The following FOXP2 variants were observed in gnomAD, a reference collection of about 807,000 sequenced individuals.
FOXP2 encodes the protein forkhead box P2.
FOXP2 carries 12 observed loss-of-function variants against 115.8 expected under a neutral mutation model. The ratio of observed to expected loss-of-function variants is 0.10; its 90% CI spans 0.07 to 0.17. FOXP2 has a LOEUF of 0.17. Among genes scored for constraint, FOXP2 ranks in the 10% least tolerant of loss-of-function variants. FOXP2 has a pLI of 1.00. For missense variants in FOXP2, 629 were observed against 843.5 expected, an observed-to-expected ratio of 0.75 and a Z score of 3.15; for synonymous variants, 328 against 297.7, an observed-to-expected ratio of 1.10 and a Z score of -1.05.
chr7:114,097,802 G>A (rs924424144), intron 1 of FOXP2, among the ~76,000 whole-genome samples: 6 of 152,144 alleles, frequency 3.9e-5, no homozygotes, highest in East Asian at 1.9e-4. Context: ...CAGATTGCTA[G>A]TTCTTACAGA....
chr7:114,471,931 G>T (rs1301877993), intron 2 of FOXP2, among the ~76,000 whole-genome samples: 6 of 149,670 alleles, frequency 4.0e-5, no homozygotes, highest in Non-Finnish European at 7.4e-5. Context: ...CTGCACTCCA[G>T]CCCGGGCAAC....
chr7:114,251,491 TCTC>T (rs1434636333), intron 1 of FOXP2, among the ~76,000 whole-genome samples: 1 of 152,146 alleles, frequency 6.6e-6, no homozygotes, highest in Non-Finnish European at 1.5e-5. Flanking sequence ...GGTTTGTAGT[TCTC>T]CTCGAAGAAA....
intron 1 of FOXP2, among the ~76,000 whole-genome samples, chr7:114,253,526 G>C (rs906326475): frequency 6.6e-6 from 1 of 152,160 alleles, no homozygotes; most frequent in African/African-American, 2.4e-5. Flanking sequence ...TTGTTGAATT[G>C]ATCCCTTTAC....
At chr7:114,271,746 G>A (rs1228020860) in intron 1 of FOXP2, among the ~76,000 whole-genome samples, 1 of 110,910 alleles carries the variant, frequency 9.0e-6, no homozygotes, top group Non-Finnish European at 1.7e-5. Flanking sequence ...AAATACATAT[G>A]CATTAAATAT....
At chr7:114,102,072 A>C (rs1790984538) in intron 1 of FOXP2, among the ~76,000 whole-genome samples, 1 of 151,668 alleles carries the variant, frequency 6.6e-6, no homozygotes, top group African/African-American at 2.4e-5. Flanking sequence ...AGTGTCCTTA[A>C]ATTTTTTGTT....
chr7:114,401,297 A>G (rs1792881667), intron 2 of FOXP2, among the ~76,000 whole-genome samples: 1 of 152,338 alleles, frequency 6.6e-6, no homozygotes, highest in African/African-American at 2.4e-5. Context: ...ATAATTACCC[A>G]AGAACACCAT....
At chr7:114,344,580 A>G (rs1791294838) in intron 2 of FOXP2, among the ~76,000 whole-genome samples, 1 of 151,846 alleles carries the variant, frequency 6.6e-6, no homozygotes, top group Non-Finnish European at 1.5e-5. Context: ...TAAAGATTTT[A>G]TGGATAACAG....
chr7:114,175,815 G>A (rs1436285650), intron 1 of FOXP2, among the ~76,000 whole-genome samples: 1 of 152,110 alleles, frequency 6.6e-6, no homozygotes, highest in Non-Finnish European at 1.5e-5. Context: ...ATCCAAAGTG[G>A]TAGCTTTCTG....
At chr7:114,264,105 TCA>T (rs1795833459) in intron 1 of FOXP2, among the ~76,000 whole-genome samples, 1 of 151,978 alleles carries the variant, frequency 6.6e-6, no homozygotes, top group Non-Finnish European at 1.5e-5. Context: ...GGCTGTGAGG[TCA>T]AAACTCTTTA....
chr7:114,444,878 A>C (rs1296401896), intron 2 of FOXP2, among the ~76,000 whole-genome samples: 4 of 151,656 alleles, frequency 2.6e-5, no homozygotes, highest in Non-Finnish European at 5.9e-5. Flanking sequence ...ATGTCTGGGT[A>C]ACCAAGCTAG....
At position 114,514,634 on chromosome 7, in the gene FOXP2, G is replaced by C. The variant is rs76791939; in HGVS notation, c.169-19983G>C. ...AGTTTGATTCCATATCTTAGCTATTGTAAATAATGCTGCAATAGGAGCTCA... is the reference window on the plus strand; with the variant it reads ...AGTTTGATTCCATATCTTAGCTATTCTAAATAATGCTGCAATAGGAGCTCA... On this transcript the variant is annotated intron_variant, in intron 2 of 16. Transcript: ENST00000350908. 7.0e-3 allele frequency among the ~76,000 whole-genome samples: 1,067 copies of C among 151,366 alleles called. 11 individuals are homozygous for C. Among genetic ancestry groups the C allele is most frequent in the African/African-American group, 0.025 (1,015 of 41,312 alleles).
chr7:114,156,100 C>G (rs946244017), intron 1 of FOXP2, among the ~76,000 whole-genome samples: 1 of 152,092 alleles, frequency 6.6e-6, no homozygotes, highest in African/African-American at 2.4e-5. Context: ...CATTTTGCCT[C>G]TTAATGCACA....
At chr7:114,439,280 G>T (rs1240877674) in intron 2 of FOXP2, among the ~76,000 whole-genome samples, 1 of 152,044 alleles carries the variant, frequency 6.6e-6, no homozygotes, top group East Asian at 1.9e-4. Context: ...ATATGGATTT[G>T]TAGTAGTATT....
chr7:114,541,286 G>A (rs191512273), intron 3 of FOXP2, among the ~76,000 whole-genome samples: 183 of 152,106 alleles, frequency 1.2e-3, no homozygotes, highest in African/African-American at 3.9e-3. Flanking sequence ...GGAGATTTCT[G>A]AAAAAGGTAA....
chr7:114,501,836 A>G (rs765200915), intron 2 of FOXP2, among the ~76,000 whole-genome samples: 18 of 152,078 alleles, frequency 1.2e-4, no homozygotes, highest in Admixed American at 7.2e-4. Flanking sequence ...GATATGGAAA[A>G]ATTTGAGAAA....
intron 2 of FOXP2, among the ~76,000 whole-genome samples, chr7:114,478,477 G>A (rs1272695835): frequency 6.6e-6 from 1 of 151,830 alleles, no homozygotes; most frequent in South Asian, 2.1e-4. Flanking sequence ...AAAGGACTTG[G>A]TCTGGTTTAT....
intron 1 of FOXP2, among the ~76,000 whole-genome samples, chr7:114,154,255 A>T (rs1158873254): frequency 6.6e-6 from 1 of 152,140 alleles, no homozygotes; most frequent in Non-Finnish European, 1.5e-5. Context: ...GAAGGTAATT[A>T]CATATCCAGC....
At chr7:114,402,391 C>CT (rs1318623448) in intron 2 of FOXP2, among the ~76,000 whole-genome samples, 1 of 152,092 alleles carries the variant, frequency 6.6e-6, no homozygotes, top group African/African-American at 2.4e-5. Context: ...GCTCTAGGGT[C>CT]TCCACCTCTA....
intron 1 of FOXP2, among the ~76,000 whole-genome samples, chr7:114,166,805 A>T (rs999345483): frequency 1.3e-5 from 2 of 152,240 alleles, no homozygotes; most frequent in Non-Finnish European, 2.9e-5. Flanking sequence ...TACATATGGC[A>T]AGTAAGCATA....
Sources: allele counts gnomAD v4.1 joint callset (sites outside exome capture counted in the v4.1 genomes callset), GRCh38; gene constraint gnomAD v4.1.1; transcripts MANE v1.5; gene names NCBI Gene and HGNC (gene_info 2026-07-23, HGNC 2026-07-21).